Variants in UCHL5 observed in about 807,000 individuals in gnomAD.
The protein encoded by UCHL5 is ubiquitin C-terminal hydrolase L5.
A neutral mutation model predicts 53.8 loss-of-function variants in UCHL5; 34 were observed. That is an observed-to-expected ratio of 0.63 (90% CI 0.48 to 0.84). The LOEUF (loss-of-function observed/expected upper bound fraction) is 0.84. UCHL5 is among the 40% of genes least tolerant of loss of function. The pLI is 0.00. For synonymous variants in UCHL5, 111 were observed against 126.3 expected, an observed-to-expected ratio of 0.88 and a Z score of 0.81; for missense variants, 290 against 385.6, an observed-to-expected ratio of 0.75 and a Z score of 2.08.
chr1:193,022,765 G>A (rs976772328), intron 9 of UCHL5, among the ~76,000 whole-genome samples, 161 bp downstream of exon 9: 1 of 129,250 alleles, frequency 7.7e-6, no homozygotes, highest in African/African-American at 3.0e-5. Flanking sequence ...AAAAATGAAA[G>A]ACATCTCACT....
At position 193,015,367 on chromosome 1, in the gene UCHL5, C is replaced by A. The variant is rs1478819268; in HGVS notation, c.*984G>T. On this transcript the variant is annotated 3_prime_UTR_variant, in exon 11 of 11. Transcript: ENST00000367454. ...TTTAAAAAAGAAAGCTTTATAAAGT[C>A]TTCTTTAAAGTCTGACTTGCAAAGG... is the stretch of plus-strand genomic sequence containing the variant. 6.6e-6 allele frequency: 1 copy of A among 152,102 alleles called. No individual in the cohort carries two copies. Among genetic ancestry groups the A allele is most frequent in the East Asian group, 1.9e-4 (1 of 5,190 alleles). The allele number at this position is 152,102 out of a possible 1,614,324, so 9.4% of individuals were successfully genotyped here. A position where few individuals can be genotyped will look rare whatever the true frequency, so the allele number is the denominator to read the frequency against.
Position 193,014,584 on chromosome 1 carries a change from T to C in UCHL5, c.*1767A>G, listed in dbSNP as rs911044892. On this transcript the variant is annotated 3_prime_UTR_variant, in exon 11 of 11. Transcript: ENST00000367454. ...TAAAAAGCTTCATACTTTTAAAATA[T>C]TACATTTAGGTCTATGATTCATCTC... 29 of 152,128 alleles carry C rather than the reference T, an allele frequency of 1.9e-4. No individual in the cohort carries two copies. The highest frequency in any genetic ancestry group is 4.0e-4 in the Non-Finnish European group (27 of 67,996). The allele number at this position is 152,128 out of a possible 1,614,324, so 9.4% of individuals were successfully genotyped here. A position where few individuals can be genotyped will look rare whatever the true frequency, so the allele number is the denominator to read the frequency against.
At chr1:193,044,349 CA>C (rs1217545938) in intron 3 of UCHL5, among the ~76,000 whole-genome samples, 2 of 152,152 alleles carry the variant, frequency 1.3e-5, no homozygotes, top group African/African-American at 2.4e-5. Context: ...TGGAGTCACA[CA>C]AATCCAGTAC....
chr1:193,016,234 G>A lies in UCHL5; in HGVS notation c.*117C>T. Reference sequence around the variant, plus strand: ...CATGCATTAAAGACAAGACAGGCTGGCACTATTGCCAAACGTGCACTGAGC... The same window carrying A: ...CATGCATTAAAGACAAGACAGGCTGACACTATTGCCAAACGTGCACTGAGC... On this transcript the variant is annotated 3_prime_UTR_variant, in exon 11 of 11. Transcript: ENST00000367454. 1 of 1,123,570 alleles carries A rather than the reference G, an allele frequency of 8.9e-7. No homozygotes were observed. Among genetic ancestry groups the A allele is most frequent in the South Asian group, 1.4e-5 (1 of 70,496 alleles). The allele number at this position is 1,123,570 out of a possible 1,614,324, so 69.6% of individuals were successfully genotyped here.
chr1:193,042,281 G>A (rs1665850177), intron 3 of UCHL5, among the ~76,000 whole-genome samples: 1 of 152,164 alleles, frequency 6.6e-6, no homozygotes, highest in Admixed American at 6.5e-5. Flanking sequence ...AAGACGAGAA[G>A]TACATTGAAC....
At chr1:193,054,735 A>T (rs1471212779) in intron 1 of UCHL5, among the ~76,000 whole-genome samples, 1 of 152,210 alleles carries the variant, frequency 6.6e-6, no homozygotes, top group Non-Finnish European at 1.5e-5. Context: ...CCTCAAAACA[A>T]GATGAAATGT....
Position 193,013,960 on chromosome 1 carries a change from G to T in UCHL5, c.*2391C>A, listed in dbSNP as rs1299176512. 1 of 152,122 alleles carries T rather than the reference G, an allele frequency of 6.6e-6. No individual in the cohort carries two copies. Among genetic ancestry groups the T allele is most frequent in the East Asian group, 1.9e-4 (1 of 5,198 alleles). 9.4% of individuals were successfully genotyped at this position (152,122 alleles called of 1,614,324 possible). A position where few individuals can be genotyped will look rare whatever the true frequency, so the allele number is the denominator to read the frequency against. ...TGCCGCAGCTGTTGGCAAGGTTTTT[G>T]TTGATAATAACAGAAGTACATCCCT... On this transcript the variant is annotated 3_prime_UTR_variant, in exon 11 of 11. Coordinates refer to ENST00000367454, the MANE Select transcript of UCHL5 (RefSeq NM_001199261.3).
chr1:193,018,138 T>C (rs1246105925), intron 10 of UCHL5, among the ~76,000 whole-genome samples: 1 of 151,546 alleles, frequency 6.6e-6, no homozygotes, highest in Non-Finnish European at 1.5e-5. Flanking sequence ...ACTATTCTTC[T>C]ACCTTATTTC....
At chr1:193,059,975 C>G, upstream of UCHL5, 1 of 1,366,376 alleles carries the variant, frequency 7.3e-7, no homozygotes, top group Non-Finnish European at 9.8e-7. This position sits in a 1 kb window ranked among gnomAD's most constrained non-coding sequence, Gnocchi z 4.9. Context: ...GTAGGGACAT[C>G]CTCGCTAGGC....
chr1:193,028,322 C>T (rs1244524783), intron 6 of UCHL5, among the ~76,000 whole-genome samples, 174 bp from the exon 7 acceptor site: 2 of 151,848 alleles, frequency 1.3e-5, no homozygotes, highest in African/African-American at 4.8e-5. Flanking sequence ...TTTTATAACA[C>T]ACATAGAAAA....
At chr1:193,039,979 G>A (rs947979521) in intron 3 of UCHL5, among the ~76,000 whole-genome samples, 6 of 151,996 alleles carry the variant, frequency 3.9e-5, no homozygotes, top group Non-Finnish European at 7.4e-5. Flanking sequence ...GTGTCCCACC[G>A]TACACAAAAA....
intron 10 of UCHL5, chr1:193,020,314 T>G: frequency 2.6e-6 from 4 of 1,546,040 alleles, no homozygotes; most frequent in Non-Finnish European, 3.5e-6. Flanking sequence ...TACCATGTAT[T>G]CTCGTCTTTA....
At chr1:193,030,649 A>G (rs550373284) in intron 3 of UCHL5, among the ~76,000 whole-genome samples, 1 of 152,338 alleles carries the variant, frequency 6.6e-6, no homozygotes, top group African/African-American at 2.4e-5. Flanking sequence ...TAGTCCTACT[A>G]CAGTATTATG....
At chr1:193,022,888 T>C (rs1342426280) in intron 9 of UCHL5, 38 bp downstream of exon 9, 8 of 1,413,926 alleles carry the variant, frequency 5.7e-6, no homozygotes, top group Non-Finnish European at 8.0e-6. Flanking sequence ...TACTGCTCTA[T>C]ATTAAAACAT....
rs1476660981 is a variant in UCHL5, at chr1:193,020,419, G to C, written c.942+678C>G. On this transcript the variant is annotated intron_variant, in intron 10 of 10. Transcript: ENST00000367454. The stretch of plus-strand genomic sequence containing the variant: ...GACCAGTTGCATTAGAATCACTTGG[G>C]GAACTTATTAAAGAATCCTTCCCCT... The C allele has an allele frequency of 2.6e-6, 4 of 1,545,420 alleles. No individual in the cohort carries two copies. In the Admixed American group the frequency reaches 7.9e-5, roughly 31 times the overall value.
chr1:193,059,157 G>A lies in UCHL5; in HGVS notation c.76+28C>T, dbSNP rs1468846956. 8.4e-6 allele frequency: 13 copies of A among 1,538,754 alleles called. No individual in the cohort carries two copies. Among genetic ancestry groups the A allele is most frequent in the Non-Finnish European group, 1.1e-5 (13 of 1,138,300 alleles). On this transcript the variant is annotated intron_variant, in intron 1 of 10. Transcript: ENST00000367454. This position sits in a 1 kb window ranked among gnomAD's most constrained non-coding sequence, Gnocchi z 4.9. ...GCTTGGGCCTCCTCCCGTGACCCCA[G>A]GCCCAGGACGGTCCCCTTGGTTCTC...
intron 1 of UCHL5, chr1:193,057,552 C>A (rs1354846016): frequency 6.6e-6 from 1 of 152,212 alleles, no homozygotes; most frequent in Non-Finnish European, 1.5e-5. Context: ...GCCCTGCACA[C>A]TTAAAAGCAC....
chr1:193,059,373 T>A (rs781303295), upstream of UCHL5: 1 of 1,606,800 alleles, frequency 6.2e-7, no homozygotes, highest in African/African-American at 1.3e-5. The surrounding 1 kb of genome is among the most constrained non-coding windows in gnomAD (Gnocchi z 4.9). Flanking sequence ...CAACCACACG[T>A]CACCCCGCCT....
chr1:193,055,585 C>T (rs1670373755), intron 1 of UCHL5, among the ~76,000 whole-genome samples: 1 of 152,244 alleles, frequency 6.6e-6, no homozygotes, highest in African/African-American at 2.4e-5. Context: ...TAAAATCTAA[C>T]ACTTAATAAT....
Sources: gnomAD v4.1 joint callset for allele counts (sites outside exome capture counted in the v4.1 genomes callset) on GRCh38, gnomAD v4.1.1 for gene constraint, Gnocchi (gnomAD v3.1) non-coding constraint, MANE v1.5 for transcripts, NCBI Gene and HGNC (gene_info 2026-07-23, HGNC 2026-07-21) for gene names.